DNAJC1: variants seen among roughly 807,000 people sequenced by gnomAD.
DNAJC1 encodes the protein dnaJ homolog subfamily C member 1.
DNAJC1 carries 58 observed loss-of-function variants against 76.6 expected under a neutral mutation model. The ratio of observed to expected loss-of-function variants is 0.76; its 90% confidence interval spans 0.61 to 0.94. DNAJC1 has a LOEUF of 0.94. DNAJC1 is among the 40% of genes least tolerant of loss of function. DNAJC1 has a pLI of 0.00. For missense variants in DNAJC1, 689 were observed against 677.3 expected (o/e 1.02, Z -0.19); for synonymous variants, 258 against 267.9 (o/e 0.96, Z 0.36).
intron 2 of DNAJC1, 79 bp downstream of exon 2, chr10:21,928,961 T>C: frequency 2.3e-6 from 2 of 886,452 alleles, no homozygotes; most frequent in Non-Finnish European, 3.3e-6. Context: ...AAATATTCCA[T>C]ATATAAGTGA....
intron 9 of DNAJC1, among the ~76,000 whole-genome samples, chr10:21,780,444 C>T (rs1834512631): frequency 6.6e-6 from 1 of 152,222 alleles, no homozygotes; most frequent in African/African-American, 2.4e-5. Flanking sequence ...CAATATTCAA[C>T]ATTCTTAAAG....
At chr10:21,892,514 T>C (rs1418166544) in intron 7 of DNAJC1, among the ~76,000 whole-genome samples, 1 of 151,966 alleles carries the variant, frequency 6.6e-6, no homozygotes, top group Non-Finnish European at 1.5e-5. Flanking sequence ...AGCCCTAACA[T>C]ATCAATCACT....
chr10:21,909,686 G>C (rs1461018499), intron 6 of DNAJC1, among the ~76,000 whole-genome samples: 6 of 152,178 alleles, frequency 3.9e-5, no homozygotes, highest in African/African-American at 1.2e-4. Flanking sequence ...GTTCTGGATG[G>C]GCTGTGGATG....
At chr10:21,806,782 AAGC>A (rs1834889492) in intron 8 of DNAJC1, among the ~76,000 whole-genome samples, 1 of 152,088 alleles carries the variant, frequency 6.6e-6, no homozygotes, top group Non-Finnish European at 1.5e-5. Flanking sequence ...AGTCCATGTA[AAGC>A]AGCATTTCAT....
chr10:21,856,861 G>A (rs539712331), intron 8 of DNAJC1, among the ~76,000 whole-genome samples: 3 of 151,676 alleles, frequency 2.0e-5, no homozygotes, highest in Admixed American at 6.6e-5. Flanking sequence ...CTCAGCCTCC[G>A]AGTAGCTGGG....
At chr10:21,866,999 T>C (rs1229515378) in intron 8 of DNAJC1, among the ~76,000 whole-genome samples, 1 of 152,154 alleles carries the variant, frequency 6.6e-6, no homozygotes, top group Admixed American at 6.5e-5. Flanking sequence ...TTATTAAAAC[T>C]GGCTTTTCAG....
chr10:21,806,506 CTCTT>C (rs1564792689), intron 8 of DNAJC1, among the ~76,000 whole-genome samples: 1 of 151,272 alleles, frequency 6.6e-6, no homozygotes, highest in East Asian at 1.9e-4. Flanking sequence ...AAAGGGCTCT[CTCTT>C]TTTTTTTTTA....
intron 1 of DNAJC1, among the ~76,000 whole-genome samples, chr10:21,989,032 T>C (rs189820024): frequency 9.8e-5 from 15 of 152,294 alleles, no homozygotes; most frequent in South Asian, 2.1e-4. Flanking sequence ...ATTTTAGAAA[T>C]GCTACTTGAC....
chr10:21,892,655 C>T (rs1250120523), intron 7 of DNAJC1, among the ~76,000 whole-genome samples: 1 of 151,134 alleles, frequency 6.6e-6, no homozygotes, highest in Non-Finnish European at 1.5e-5. Context: ...TCAAATATAA[C>T]AATATGGGTA....
At chr10:21,790,316 C>T (rs955649453) in intron 9 of DNAJC1, among the ~76,000 whole-genome samples, 2 of 151,374 alleles carry the variant, frequency 1.3e-5, no homozygotes, top group Non-Finnish European at 1.5e-5. Flanking sequence ...ATCCAGAGAC[C>T]CCCAAATAGA....
chr10:21,945,586 T>C (rs1420359789), intron 1 of DNAJC1, among the ~76,000 whole-genome samples: 1 of 152,070 alleles, frequency 6.6e-6, no homozygotes, highest in Non-Finnish European at 1.5e-5. Flanking sequence ...AAGGAGAGGA[T>C]ACATGTAGGT....
At chr10:21,860,291 T>C (rs1835900064) in intron 8 of DNAJC1, among the ~76,000 whole-genome samples, 2 of 152,120 alleles carry the variant, frequency 1.3e-5, no homozygotes. Context: ...TACCACATAT[T>C]CTCTTATCTC....
chr10:21,883,813 A>G (rs566603702), intron 7 of DNAJC1, among the ~76,000 whole-genome samples: 1 of 152,314 alleles, frequency 6.6e-6, no homozygotes, highest in Admixed American at 6.5e-5. Flanking sequence ...TTCCAAATTC[A>G]AAGTACAGTA....
chr10:21,907,965 G>C (rs1836774076), intron 6 of DNAJC1, among the ~76,000 whole-genome samples: 1 of 138,932 alleles, frequency 7.2e-6, no homozygotes, highest in African/African-American at 2.7e-5. Context: ...GCCACAGAGT[G>C]AGACTCTGTC....
intron 8 of DNAJC1, among the ~76,000 whole-genome samples, chr10:21,839,520 T>G (rs1283564539): frequency 3.9e-5 from 6 of 152,146 alleles, no homozygotes; most frequent in Admixed American, 1.3e-4. Flanking sequence ...ATAAATTCCT[T>G]GACACCTACA....
At chr10:21,886,099 T>C (rs940312510) in intron 7 of DNAJC1, among the ~76,000 whole-genome samples, 5 of 151,604 alleles carry the variant, frequency 3.3e-5, no homozygotes, top group African/African-American at 1.2e-4. Context: ...GCTAGGCTAA[T>C]AGAGAGAAAA....
intron 1 of DNAJC1, among the ~76,000 whole-genome samples, chr10:21,947,391 C>A (rs1490890197): frequency 3.3e-5 from 5 of 152,088 alleles, no homozygotes; most frequent in Admixed American, 6.5e-5. Flanking sequence ...CCTCTTCTGC[C>A]TCCGCCATCC....
At chr10:21,763,741 A>G (rs1834266395) in intron 10 of DNAJC1, among the ~76,000 whole-genome samples, 1 of 152,180 alleles carries the variant, frequency 6.6e-6, no homozygotes, top group East Asian at 1.9e-4. Flanking sequence ...CCTTATAAAA[A>G]GATGTCACTG....
intron 1 of DNAJC1, among the ~76,000 whole-genome samples, chr10:21,948,624 T>C: frequency 6.6e-6 from 1 of 152,226 alleles, no homozygotes; most frequent in Middle Eastern, 3.2e-3. Context: ...ACTTTTATTA[T>C]AGTATATTGT....
Sources: allele counts gnomAD v4.1 joint callset (sites outside exome capture counted in the v4.1 genomes callset), GRCh38; gene constraint gnomAD v4.1.1; transcripts MANE v1.5; gene names NCBI Gene and HGNC (gene_info 2026-07-23, HGNC 2026-07-21).